BEND5: variants seen among roughly 807,000 people sequenced by gnomAD.
BEND5 encodes BEN domain containing 5.
A neutral mutation model predicts 43.9 loss-of-function variants in BEND5; 22 were observed. The observed-to-expected ratio is 0.50, with a 90% CI of 0.36 to 0.72. The LOEUF is 0.72. BEND5 is among the 30% of genes least tolerant of loss of function. BEND5 has a pLI of 0.00. For missense variants in BEND5, 428 were observed against 550.6 expected (o/e 0.78, Z 2.23); for synonymous variants, 228 against 225.9 (o/e 1.01, Z -0.08).
At chr1:48,770,617 A>G (rs1570611145) in intron 1 of BEND5, among the ~76,000 whole-genome samples, 1 of 152,158 alleles carries the variant, frequency 6.6e-6, no homozygotes, top group Admixed American at 6.5e-5. Context: ...TGAACCTCAG[A>G]CCACATGCCT....
chr1:48,733,945 C>T (rs912074648), intron 5 of BEND5, among the ~76,000 whole-genome samples: 2 of 152,124 alleles, frequency 1.3e-5, no homozygotes, highest in Admixed American at 1.3e-4. Context: ...TGATTTTATA[C>T]CATGTGATAA....
At chr1:48,739,705 A>ATG (rs1481087666) in intron 4 of BEND5, among the ~76,000 whole-genome samples, 2 of 152,216 alleles carry the variant, frequency 1.3e-5, no homozygotes, top group African/African-American at 4.8e-5. Context: ...ATGAGAAAAG[A>ATG]TGTGTAAAGT....
At chr1:48,763,894 C>T (rs1351201780) in intron 1 of BEND5, among the ~76,000 whole-genome samples, 1 of 152,198 alleles carries the variant, frequency 6.6e-6, no homozygotes, top group South Asian at 2.1e-4. Flanking sequence ...GGTCCCCATC[C>T]TGGAGAGCTC....
In BEND5 at chr1:48,727,605, C is replaced by T. The variant is rs1354244207; in HGVS notation, c.*281G>A. The T allele has an allele frequency of 4.1e-6, 1 of 242,060 alleles. No homozygotes were observed. Among genetic ancestry groups the T allele is most frequent in the Non-Finnish European group, 7.9e-6 (1 of 126,402 alleles). 15.0% of individuals were successfully genotyped at this position (242,060 alleles called of 1,614,324 possible). ...GATAGTAAAAATATCCATTCAAACC[C>T]CAGTCAAGTGACAGGCAACTCAGGC... On this transcript the variant is annotated 3_prime_UTR_variant, in exon 6 of 6. Transcript: ENST00000371833.
In BEND5 at chr1:48,759,032, C is replaced by G. The variant is rs1417598820; in HGVS notation, c.613G>C (p.Glu205Gln). ...EEMRHLQQEL[E>Q]RTRRQLVQQA... is the part of the protein sequence containing the mutation. ...TGTACCAGCTGCCTCCGAGTCCGCT[C>G]CAGCTCCTGCTGGAGGTGGCGCATC... Residue 205 changes from glutamate (E) to glutamine (Q), a missense_variant, in exon 3 of 6, where the codon GAG (glutamate) becomes CAG (glutamine). Physicochemically the swap from Glu to Gln is conservative, Grantham distance 29. Transcript: ENST00000371833. 1.2e-6 allele frequency: 2 copies of G among 1,614,054 alleles called. No homozygotes were observed.
In BEND5 at chr1:48,776,639, A is replaced by G; in HGVS notation, c.193T>C (p.Leu65=). The G allele has an allele frequency of 1.4e-6, 2 of 1,480,988 alleles. No individual in the cohort carries two copies. The highest frequency in any genetic ancestry group is 2.6e-5 in the South Asian group (2 of 77,258). The allele number at this position is 1,480,988 out of a possible 1,614,324, so 91.7% of individuals were successfully genotyped here. The change falls in exon 1 of 6, where the codon TTG becomes CTG. Residue 65 remains leucine, a synonymous_variant. Transcript: ENST00000371833. ...GCCAGGATCTGGGCCTTGTGGAGCA[A>G]CAGCGCGCCCCAGTCGCGGGGGGCG... ...PRAPRDWGAL[L]LHKAQILALA...
intron 5 of BEND5, among the ~76,000 whole-genome samples, chr1:48,730,987 GC>G (rs989385730): frequency 6.6e-6 from 1 of 152,064 alleles, no homozygotes; most frequent in African/African-American, 2.4e-5. Context: ...GTCAATGTTT[GC>G]CCCATCCCTC....
intron 5 of BEND5, among the ~76,000 whole-genome samples, chr1:48,734,144 G>C (rs1484028780): frequency 6.6e-6 from 1 of 152,132 alleles, no homozygotes; most frequent in Non-Finnish European, 1.5e-5. Context: ...AAGACGAAAG[G>C]TTACCTCTGA....
chr1:48,747,371 G>A (rs1207949639), intron 3 of BEND5, among the ~76,000 whole-genome samples: 1 of 152,150 alleles, frequency 6.6e-6, no homozygotes, highest in East Asian at 1.9e-4. Flanking sequence ...CTTTTAAAAA[G>A]TATGAAAGGT....
At chr1:48,760,485 G>A (rs1349187429) in intron 2 of BEND5, among the ~76,000 whole-genome samples, 1 of 152,170 alleles carries the variant, frequency 6.6e-6, no homozygotes, top group African/African-American at 2.4e-5. Context: ...CTGAGATAAG[G>A]TGCTACTAGT....
intron 1 of BEND5, among the ~76,000 whole-genome samples, chr1:48,773,088 C>A (rs1386969667): frequency 6.6e-6 from 1 of 152,096 alleles, no homozygotes; most frequent in Non-Finnish European, 1.5e-5. Flanking sequence ...CTGGTATATT[C>A]ACTTAATACA....
intron 1 of BEND5, among the ~76,000 whole-genome samples, chr1:48,770,184 T>G (rs1644742675): frequency 6.6e-6 from 1 of 152,232 alleles, no homozygotes. Flanking sequence ...TCCTCTGTGG[T>G]GCAAAACTGA....
intron 1 of BEND5, among the ~76,000 whole-genome samples, chr1:48,774,753 T>C (rs538018538): frequency 6.6e-6 from 1 of 152,322 alleles, no homozygotes; most frequent in South Asian, 2.1e-4. Flanking sequence ...AGCTGCCATC[T>C]GCCTAAGTGG....
chr1:48,742,866 A>C, intron 3 of BEND5, 95 bp from the exon 4 acceptor site: 3 of 1,278,352 alleles, frequency 2.3e-6, no homozygotes, highest in Non-Finnish European at 3.1e-6. Flanking sequence ...CATGGCACAA[A>C]AAATTTGCTA....
chr1:48,735,336 C>CT (rs1231687900), intron 5 of BEND5, among the ~76,000 whole-genome samples: 1 of 152,008 alleles, frequency 6.6e-6, no homozygotes, highest in Non-Finnish European at 1.5e-5. Flanking sequence ...TCTTACCCCT[C>CT]TTTGTGTCTT....
At chr1:48,739,022 T>G (rs1246768786) in intron 4 of BEND5, among the ~76,000 whole-genome samples, 1 of 152,214 alleles carries the variant, frequency 6.6e-6, no homozygotes, top group Non-Finnish European at 1.5e-5. Context: ...GCTTCTGCTC[T>G]CCCTGTCTTC....
chr1:48,771,969 T>G (rs1416257593), intron 1 of BEND5, among the ~76,000 whole-genome samples: 2 of 152,196 alleles, frequency 1.3e-5, no homozygotes, highest in African/African-American at 4.8e-5. Context: ...CTACGGCAGG[T>G]TTCTGTTCTG....
chr1:48,758,977 G>T lies in BEND5; in HGVS notation c.668C>A (p.Ala223Glu). 1 of 1,612,536 alleles carries T rather than the reference G, an allele frequency of 6.2e-7. No homozygotes were observed. The highest frequency in any genetic ancestry group is 8.5e-7 in the Non-Finnish European group (1 of 1,179,440). Reference protein sequence around the residue: ...QQAKKLKEYGALVSEMKELRD... With the variant: ...QQAKKLKEYGELVSEMKELRD... ...GAGCTCCTTCATTTCAGACACAAGT[G>T]CCCCGTACTCCTTGAGCTTCTTGGC... Residue 223 changes from alanine to glutamate, a missense_variant, in exon 3 of 6, where the codon GCA becomes GAA. Ala to Glu is a moderately radical substitution (Grantham distance 107, BLOSUM62 -1). Coordinates refer to ENST00000371833, the MANE Select transcript of BEND5 (RefSeq NM_024603.4).
At chr1:48,748,821 T>C (rs1301038784) in intron 3 of BEND5, among the ~76,000 whole-genome samples, 1 of 151,970 alleles carries the variant, frequency 6.6e-6, no homozygotes, top group Non-Finnish European at 1.5e-5. Context: ...GGGGGAGTAG[T>C]GAGGCCGGGG....
Sources: gnomAD v4.1 joint callset for allele counts (sites outside exome capture counted in the v4.1 genomes callset) on GRCh38, gnomAD v4.1.1 for gene constraint, MANE v1.5 for transcripts, NCBI Gene and HGNC (gene_info 2026-07-23, HGNC 2026-07-21) for gene names.